The following PPP1R12A variants were observed in gnomAD, a reference collection of about 807,000 sequenced individuals.
PPP1R12A encodes protein phosphatase 1 regulatory subunit 12A, also known as myosin binding subunit.
Under a neutral mutation model 139.6 loss-of-function variants are expected in PPP1R12A, and 19 were observed. The observed-to-expected ratio is 0.14, with a 90% confidence interval of 0.09 to 0.20. The LOEUF (loss-of-function observed/expected upper bound fraction) is 0.20. Ranked by LOEUF, PPP1R12A falls within the 10% of genes least tolerant of loss-of-function variation. The pLI is 1.00. For synonymous variants in PPP1R12A, 427 were observed against 420.6 expected (o/e 1.02, Z -0.19); for missense variants, 925 against 1,211.5 (o/e 0.76, Z 3.51).
chr12:79,844,362 C>A (rs961389967), intron 3 of PPP1R12A, among the ~76,000 whole-genome samples: 2 of 152,218 alleles, frequency 1.3e-5, no homozygotes, highest in African/African-American at 2.4e-5. Context: ...ACTCTTCTTA[C>A]AATCTTCACA....
At chr12:79,789,235 A>AT (rs1486521515) in intron 20 of PPP1R12A, among the ~76,000 whole-genome samples, 5 of 152,066 alleles carry the variant, frequency 3.3e-5, no homozygotes, top group African/African-American at 1.2e-4. Flanking sequence ...CACCCAGCCT[A>AT]TTTTTTTAAT....
chr12:79,789,048 T>TA (rs1871471828), intron 20 of PPP1R12A, among the ~76,000 whole-genome samples: 1 of 152,138 alleles, frequency 6.6e-6, no homozygotes, highest in African/African-American at 2.4e-5. Flanking sequence ...GTGATTCTTC[T>TA]ACCTCAGCCT....
Position 79,796,915 on chromosome 12 carries a change from A to C in PPP1R12A, c.2328T>G (p.Ser776Arg). ...AAAGTGAAGAGGATGGAGTGGTTGA[A>C]CTTGAAGTTGATACTGGCCTATAAC... is the stretch of plus-strand genomic sequence containing the variant. ...YQRYRPVSTS[S>R]STTPSSSLST... The change falls in exon 17 of 25, where the codon AGT (serine) becomes AGG (arginine). Residue 776 changes from serine (S) to arginine (R), a missense_variant. Ser to Arg is a moderately radical substitution (Grantham distance 110). Around this residue, in one of 4 missense-constraint regions of PPP1R12A, gnomAD observed 315 missense variants for 363.4 expected, o/e 0.87. Transcript: ENST00000450142. The C allele has an allele frequency of 6.2e-7, 1 of 1,612,668 alleles. No individual in the cohort carries two copies. The highest frequency in any genetic ancestry group is 8.5e-7 in the Non-Finnish European group (1 of 1,179,262).
chr12:79,832,584 A>G, intron 3 of PPP1R12A, 93 bp from the exon 4 acceptor site: 1 of 1,293,462 alleles, frequency 7.7e-7, no homozygotes, highest in Admixed American at 2.7e-5. Context: ...GTTTAAATAA[A>G]ATTAAAAGTG....
chr12:79,822,306 TATG>T lies in PPP1R12A; in HGVS notation c.793-119_793-117del, dbSNP rs946586006. 1.5e-4 allele frequency: 102 copies of T among 667,878 alleles called. No homozygotes were observed. The African/African-American group carries it at 1.8e-3, about 12-fold the overall frequency. The allele number at this position is 667,878 out of a possible 1,614,324, so 41.4% of individuals were successfully genotyped here. On this transcript the variant is annotated intron_variant, in intron 5 of 24. Transcript: ENST00000450142. Reference sequence around the variant, plus strand: ...GTTGGATAACATTTTTTACAGTGGTTATGATACAATAACTACTGTAAAAACATA... The same window carrying T: ...GTTGGATAACATTTTTTACAGTGGTTATACAATAACTACTGTAAAAACATA...
intron 1 of PPP1R12A, among the ~76,000 whole-genome samples, chr12:79,889,114 G>A (rs1245562793): frequency 6.6e-6 from 1 of 152,172 alleles, no homozygotes; most frequent in South Asian, 2.1e-4. Flanking sequence ...ATTTTGCAAA[G>A]TGAAAAGAAC....
At chr12:79,862,549 G>C (rs990173671) in intron 2 of PPP1R12A, among the ~76,000 whole-genome samples, 1 of 152,148 alleles carries the variant, frequency 6.6e-6, no homozygotes, top group African/African-American at 2.4e-5. Context: ...CTAACCCATA[G>C]CAAGAAAGCT....
chr12:79,855,148 C>T (rs1880492187), intron 2 of PPP1R12A, among the ~76,000 whole-genome samples: 1 of 151,984 alleles, frequency 6.6e-6, no homozygotes, highest in Non-Finnish European at 1.5e-5. Context: ...GCCACCACGC[C>T]CGGCTAATTT....
rs187240057 is a variant in PPP1R12A, at chr12:79,904,071, C to A, written c.237+30624G>T. On this transcript the variant is annotated intron_variant, in intron 1 of 24. Coordinates refer to ENST00000450142, the MANE Select transcript of PPP1R12A (RefSeq NM_002480.3). Reference sequence around the variant, plus strand: ...TTCTACTAAAAATATAAAAATTAGCCAGGCATGGTGATGGGCACCTGTAAT... The same window carrying A: ...TTCTACTAAAAATATAAAAATTAGCAAGGCATGGTGATGGGCACCTGTAAT... Among the ~76,000 whole-genome samples, 411 of 152,038 alleles carry A rather than the reference C, an allele frequency of 2.7e-3. 2 individuals carry two copies. The highest frequency in any genetic ancestry group is 9.6e-3 in the African/African-American group (397 of 41,490).
chr12:79,811,895 T>C (rs923190369), intron 9 of PPP1R12A, among the ~76,000 whole-genome samples: 1 of 152,218 alleles, frequency 6.6e-6, no homozygotes, highest in East Asian at 1.9e-4. Flanking sequence ...CAAACGTTTT[T>C]TCCCCCATTA....
chr12:79,905,352 C>A, intron 1 of PPP1R12A, among the ~76,000 whole-genome samples: 1 of 117,308 alleles, frequency 8.5e-6, no homozygotes, highest in Non-Finnish European at 1.7e-5. Flanking sequence ...CCCCCCCACC[C>A]CTTTTTTTTT....
chr12:79,925,471 G>A (rs1273490460), intron 1 of PPP1R12A, among the ~76,000 whole-genome samples: 1 of 152,196 alleles, frequency 6.6e-6, no homozygotes, highest in Non-Finnish European at 1.5e-5. Context: ...CAGCTCAAAT[G>A]TGAGTTAAAT....
chr12:79,799,385 A>G (rs1872835522), intron 14 of PPP1R12A, among the ~76,000 whole-genome samples: 1 of 152,108 alleles, frequency 6.6e-6, no homozygotes, highest in Admixed American at 6.5e-5. Context: ...CCTGACCTCA[A>G]GTGATCTGCC....
At chr12:79,886,593 G>A (rs1014736873) in intron 1 of PPP1R12A, among the ~76,000 whole-genome samples, 44 of 152,078 alleles carry the variant, frequency 2.9e-4, no homozygotes, top group African/African-American at 7.5e-4. Flanking sequence ...GTATCTAAGA[G>A]TAATTATAGA....
At chr12:79,817,638 A>G in intron 8 of PPP1R12A, 120 bp from the exon 9 acceptor site, 1 of 940,106 alleles carries the variant, frequency 1.1e-6, no homozygotes, top group Admixed American at 3.1e-5. Flanking sequence ...GTCTTTCCCC[A>G]CTGTGATTCC....
rs578102054 is a variant in PPP1R12A, at chr12:79,816,137, C to T, written c.1239+1257G>A. On this transcript the variant is annotated intron_variant, in intron 9 of 24. Coordinates refer to ENST00000450142, the MANE Select transcript of PPP1R12A (RefSeq NM_002480.3). ...TTAAACTCATGCACATAATGTCAAA[C>T]GAGCAACAAAATAAGAAGTTCAAAG... is the stretch of plus-strand genomic sequence containing the variant. Among the ~76,000 whole-genome samples, 98 of 152,092 alleles carry T rather than the reference C, an allele frequency of 6.4e-4. 4 individuals carry two copies. The South Asian group carries it at 0.019, about 29-fold the overall frequency.
At chr12:79,875,531 T>A (rs1883014811) in intron 1 of PPP1R12A, among the ~76,000 whole-genome samples, 1 of 152,178 alleles carries the variant, frequency 6.6e-6, no homozygotes, top group South Asian at 2.1e-4. Flanking sequence ...AAACAACTAA[T>A]ACACAACTAG....
At chr12:79,803,205 T>C (rs1478207909) in intron 14 of PPP1R12A, among the ~76,000 whole-genome samples, 1 of 152,248 alleles carries the variant, frequency 6.6e-6, no homozygotes, top group Non-Finnish European at 1.5e-5. Context: ...ACACATTTCC[T>C]TTATTTGATA....
intron 2 of PPP1R12A, among the ~76,000 whole-genome samples, chr12:79,857,648 T>A (rs557997572): frequency 7.9e-5 from 12 of 152,128 alleles, no homozygotes; most frequent in Non-Finnish European, 1.6e-4. Flanking sequence ...TTTCTTTAAT[T>A]GGCCTAGACA....
Sources: gnomAD v4.1 joint callset for allele counts (sites outside exome capture counted in the v4.1 genomes callset) on GRCh38, gnomAD v4.1.1 for gene constraint, gnomAD v4.1.1 regional missense constraint, MANE v1.5 for transcripts, NCBI Gene and HGNC (gene_info 2026-07-23, HGNC 2026-07-21) for gene names.